OPRM1: variants seen among roughly 807,000 people sequenced by gnomAD.
OPRM1 encodes the protein opioid receptor mu 1.
In OPRM1, 27 loss-of-function variants were observed where a neutral mutation model predicts 31.8. The ratio of observed to expected loss-of-function variants is 0.85; its 90% CI spans 0.63 to 1.17. The LOEUF (loss-of-function observed/expected upper bound fraction) is 1.17, where lower values mean the gene tolerates loss of function less well. Among genes scored for constraint, OPRM1 ranks in the 50% most tolerant of loss-of-function variants. The pLI, the probability that OPRM1 is intolerant of heterozygous loss-of-function variation, is 0.00. For missense variants in OPRM1, 536 were observed against 511.1 expected, an observed-to-expected ratio of 1.05 and a Z score of -0.47; for synonymous variants, 196 against 189.9, an observed-to-expected ratio of 1.03 and a Z score of -0.26.
chr6:154,094,306 G>T (rs1263805433), intron 3 of OPRM1: 1 of 929,658 alleles, frequency 1.1e-6, no homozygotes, highest in Non-Finnish European at 1.5e-6. Flanking sequence ...GTGGCGATTT[G>T]GCAGTTATCA....
At chr6:154,058,805 T>A (rs2128429804) in intron 1 of OPRM1, among the ~76,000 whole-genome samples, 1 of 152,260 alleles carries the variant, frequency 6.6e-6, no homozygotes, top group South Asian at 2.1e-4. Context: ...AATCCTTAAA[T>A]ACACTACATT....
Position 154,039,409 on chromosome 6 carries a change from A to G in OPRM1, c.-136A>G. The G allele has an allele frequency of 6.5e-7, 1 of 1,550,196 alleles. No individual in the cohort carries two copies. The highest frequency in any genetic ancestry group is 8.7e-7 in the Non-Finnish European group (1 of 1,146,116). On this transcript the variant is annotated 5_prime_UTR_variant, in exon 1 of 4. Transcript: ENST00000330432. Reference sequence around the variant, plus strand: ...TCCGCCTGACGCTCCTCTCTGTCTCAGCCAGGACTGGTTTCTGTAAGAAAC... The same window carrying G: ...TCCGCCTGACGCTCCTCTCTGTCTCGGCCAGGACTGGTTTCTGTAAGAAAC...
In OPRM1 at chr6:154,030,267, G is replaced by A. The variant is rs1025038245; in HGVS notation, c.1-8894G>A. Among the ~76,000 whole-genome samples, 21 of 152,266 alleles carry A rather than the reference G, an allele frequency of 1.4e-4. No individual in the cohort carries two copies. The East Asian group carries it at 4.0e-3, about 29-fold the overall frequency. On this transcript the variant is annotated intron_variant, in intron 1 of 5. Coordinates refer to the OPRM1 transcript ENST00000434900. ...TGAAGAAGGGTAAATCCTGGTTTTT[G>A]CTCTTGAGGTTCTAAAACTTGATTA... is the stretch of plus-strand genomic sequence containing the variant.
At chr6:154,015,351 C>T (rs553311091) in intron 1 of OPRM1, among the ~76,000 whole-genome samples, 13 of 152,074 alleles carry the variant, frequency 8.5e-5, no homozygotes, top group South Asian at 8.3e-4. Flanking sequence ...GTTACATATA[C>T]ATACATACAT....
chr6:154,066,293 A>T (rs1215083113), intron 1 of OPRM1, among the ~76,000 whole-genome samples: 1 of 152,154 alleles, frequency 6.6e-6, no homozygotes, highest in African/African-American at 2.4e-5. Flanking sequence ...AGATTTAATT[A>T]GGAAGTGCTC....
Position 154,168,029 on chromosome 6 carries a change from C to T in OPRM1, c.1164+76557C>T, listed in dbSNP as rs766898382. Reference sequence around the variant, plus strand: ...CAACTCCTTTTTAGTCGAAGGTCGTCGGTCCCCAAGAGGAGATAGACTAGC... The same window carrying T: ...CAACTCCTTTTTAGTCGAAGGTCGTTGGTCCCCAAGAGGAGATAGACTAGC... On this transcript the variant is annotated intron_variant, in intron 3 of 3. Coordinates refer to the OPRM1 transcript ENST00000337049. This position sits in a 1 kb window ranked among gnomAD's most constrained non-coding sequence, Gnocchi z 4.1. 27 of 1,611,062 alleles carry T rather than the reference C, an allele frequency of 1.7e-5. No individual in the cohort carries two copies. Among genetic ancestry groups the T allele is most frequent in the Non-Finnish European group, 2.1e-5 (25 of 1,177,766 alleles).
upstream of OPRM1, chr6:154,039,014 A>G (rs567005674): frequency 1.1e-6 from 1 of 923,668 alleles, no homozygotes; most frequent in Admixed American, 3.0e-5. Context: ...TTAGGGTTTC[A>G]TCAAGCCAAT....
intron 1 of OPRM1, among the ~76,000 whole-genome samples, chr6:154,030,839 G>A (rs370480971): frequency 1.3e-5 from 2 of 152,134 alleles, no homozygotes; most frequent in Non-Finnish European, 2.9e-5. Context: ...GAAAAGGATC[G>A]AGAGTGATAA....
At chr6:154,213,611 T>C (rs1291181433) in intron 3 of OPRM1, among the ~76,000 whole-genome samples, 2 of 152,142 alleles carry the variant, frequency 1.3e-5, no homozygotes, top group Middle Eastern at 3.2e-3. Flanking sequence ...CCAAGGCCTT[T>C]TGTGGTCTGG....
At chr6:154,098,557 C>G (rs73574519) in intron 3 of OPRM1, among the ~76,000 whole-genome samples, 4,941 of 152,196 alleles carry the variant, frequency 0.032, 275 homozygotes, top group African/African-American at 0.11. Flanking sequence ...ATTTTTACTT[C>G]TACCTCTATG....
At chr6:154,180,219 G>A (rs1243278621) in intron 3 of OPRM1, among the ~76,000 whole-genome samples, 1 of 151,960 alleles carries the variant, frequency 6.6e-6, no homozygotes, top group African/African-American at 2.4e-5. Flanking sequence ...GAGTTGGTGC[G>A]AATTTGGGTT....
intron 3 of OPRM1, among the ~76,000 whole-genome samples, chr6:154,205,282 T>C (rs1442875202): frequency 6.6e-6 from 1 of 152,208 alleles, no homozygotes; most frequent in African/African-American, 2.4e-5. Context: ...CCTGTATTTT[T>C]TTTTAATAAA....
chr6:154,036,608 T>A (rs1779312614), upstream of OPRM1, among the ~76,000 whole-genome samples: 1 of 151,970 alleles, frequency 6.6e-6, no homozygotes, highest in South Asian at 2.1e-4. Flanking sequence ...AGTCTATACA[T>A]TTAAGTCCTG....
intron 3 of OPRM1, among the ~76,000 whole-genome samples, chr6:154,186,893 G>A (rs112487217): frequency 0.11 from 16,271 of 151,946 alleles, 1,087 homozygotes; most frequent in Middle Eastern, 0.21. Flanking sequence ...AGATGGCACC[G>A]CTCCTCCCTG....
intron 1 of OPRM1, among the ~76,000 whole-genome samples, chr6:154,083,966 AAAAG>A (rs1243332939): frequency 6.6e-6 from 1 of 151,264 alleles, no homozygotes; most frequent in African/African-American, 2.4e-5. Context: ...AAAAAAAAAA[AAAAG>A]GAAGAAGACT....
chr6:154,093,588 T>A, intron 3 of OPRM1: 1 of 1,481,058 alleles, frequency 6.8e-7, no homozygotes, highest in Non-Finnish European at 8.9e-7. Context: ...AACTAAAAGG[T>A]TTGCTTTAAA....
Position 154,119,078 on chromosome 6 carries a change from C to G in OPRM1, c.*357C>G. On this transcript the variant is annotated 3_prime_UTR_variant, in exon 4 of 4. Transcript: ENST00000330432. ...ATTTATGACCTCAACAAAGAAGAAC[C>G]ATCTTTTGTTAAGTTCACCGTAGTA... 1 of 1,024,750 alleles carries G rather than the reference C, an allele frequency of 9.8e-7. No individual in the cohort carries two copies. The highest frequency in any genetic ancestry group is 1.2e-6 in the Non-Finnish European group (1 of 855,238). 63.5% of individuals were successfully genotyped at this position (1,024,750 alleles called of 1,614,324 possible). A position where few individuals can be genotyped will look rare whatever the true frequency, so the allele number is the denominator to read the frequency against.
chr6:154,244,301 G>GTGTGTGT lies in OPRM1; in HGVS notation c.1165-2392_1165-2391insTGTGTGT, dbSNP rs1554298352. On this transcript the variant is annotated intron_variant, in intron 3 of 3. Transcript: ENST00000337049. The stretch of plus-strand genomic sequence containing the variant: ...TTAAGATTCGGTGTGTGTGTGGGTG[G>GTGTGTGT]GTGTGTGTGTGTGTGTGTGTGTGTG... Among the ~76,000 whole-genome samples the GTGTGTGT allele has an allele frequency of 5.5e-4, 81 of 148,060 alleles. 1 individual carries two copies. The highest frequency in any genetic ancestry group is 1.8e-3 in the African/African-American group (73 of 40,190).
intron 3 of OPRM1, among the ~76,000 whole-genome samples, chr6:154,099,289 A>C (rs73574524): frequency 0.012 from 871 of 71,870 alleles, 10 homozygotes; most frequent in African/African-American, 0.045. Context: ...TGTCGAAAGG[A>C]AGGAAGGAAG....
Sources: gnomAD v4.1 joint callset for allele counts (sites outside exome capture counted in the v4.1 genomes callset) on GRCh38, gnomAD v4.1.1 for gene constraint, Gnocchi (gnomAD v3.1) non-coding constraint, MANE v1.5 for transcripts, NCBI Gene and HGNC (gene_info 2026-07-23, HGNC 2026-07-21) for gene names.